The following GOLM1 variants were observed in gnomAD, a reference collection of about 807,000 sequenced individuals.
The protein encoded by GOLM1 is epididymis luminal protein 46.
Under a neutral mutation model 50.5 loss-of-function variants are expected in GOLM1, and 31 were observed. The ratio of observed to expected loss-of-function variants is 0.61; its 90% CI spans 0.46 to 0.83. GOLM1 has a LOEUF of 0.83. Among genes scored for constraint, GOLM1 ranks in the 40% least tolerant of loss-of-function variants. The pLI, the probability that GOLM1 is intolerant of heterozygous loss-of-function variation, is 0.00. For synonymous variants in GOLM1, 178 were observed against 192.8 expected, an observed-to-expected ratio of 0.92 and a Z score of 0.64; for missense variants, 491 against 501.3, an observed-to-expected ratio of 0.98 and a Z score of 0.20.
At chr9:86,031,714 G>A (rs894739645) in intron 9 of GOLM1, among the ~76,000 whole-genome samples, 4 of 151,356 alleles carry the variant, frequency 2.6e-5, no homozygotes. Flanking sequence ...CACCATCCTC[G>A]GCCTCCCAAA....
intron 8 of GOLM1, chr9:86,034,941 A>G (rs1833087392): frequency 1.2e-5 from 11 of 902,706 alleles, no homozygotes; most frequent in African/African-American, 3.6e-5. Context: ...TCACATATGC[A>G]TTAACCTTCA....
intron 3 of GOLM1, among the ~76,000 whole-genome samples, chr9:86,053,654 T>TCCACACACAGC (rs1564347550): frequency 5.4e-3 from 16 of 2,936 alleles, no homozygotes; most frequent in East Asian, 0.043. Context: ...CACACCATGC[T>TCCACACACAGC]ACACCACTCC....
chr9:86,073,661 C>T (rs1233445704), intron 3 of GOLM1, among the ~76,000 whole-genome samples: 2 of 152,210 alleles, frequency 1.3e-5, no homozygotes. Context: ...CTGCCCTCCG[C>T]TCCACTGAGG....
chr9:86,060,826 C>T (rs543560017), intron 3 of GOLM1, among the ~76,000 whole-genome samples: 17 of 124,802 alleles, frequency 1.4e-4, no homozygotes, highest in Admixed American at 3.2e-4. Flanking sequence ...TGCGGTGAGC[C>T]GAGATTGTGC....
At chr9:86,067,483 GTAGTT>G (rs1430319483) in intron 3 of GOLM1, among the ~76,000 whole-genome samples, 1 of 152,202 alleles carries the variant, frequency 6.6e-6, no homozygotes, top group African/African-American at 2.4e-5. Flanking sequence ...CACGAATGTG[GTAGTT>G]TAAAAACATT....
chr9:86,070,775 T>C (rs561942473), intron 3 of GOLM1, among the ~76,000 whole-genome samples: 2 of 151,934 alleles, frequency 1.3e-5, no homozygotes, highest in South Asian at 4.2e-4. Context: ...CTCAAACCCA[T>C]GAGATAAGCT....
intron 1 of GOLM1, chr9:86,080,203 A>G (rs914846141): frequency 6.6e-6 from 1 of 152,252 alleles, no homozygotes; most frequent in African/African-American, 2.4e-5. Context: ...TAGGAAAAAC[A>G]GTGCCTCTGT....
chr9:86,083,303 T>C (rs1178412769), intron 1 of GOLM1, among the ~76,000 whole-genome samples: 1 of 152,268 alleles, frequency 6.6e-6, no homozygotes, highest in Non-Finnish European at 1.5e-5. Flanking sequence ...TGTAATTAGC[T>C]GTTAAGCCAT....
intron 4 of GOLM1, among the ~76,000 whole-genome samples, chr9:86,048,025 C>G (rs1833610611): frequency 8.3e-6 from 1 of 121,090 alleles, no homozygotes; most frequent in Admixed American, 9.2e-5. Context: ...GCCATCCCTC[C>G]CCCCTCCCCC....
chr9:86,028,365 G>A (rs1832852509), intron 9 of GOLM1, among the ~76,000 whole-genome samples: 1 of 152,202 alleles, frequency 6.6e-6, no homozygotes, highest in Non-Finnish European at 1.5e-5. Context: ...GGACGCCAAG[G>A]GAAATTCGGC....
chr9:86,035,268 T>TA (rs919596549), intron 8 of GOLM1, 100 bp downstream of exon 8: 1 of 1,531,952 alleles, frequency 6.5e-7, no homozygotes, highest in African/African-American at 1.4e-5. Context: ...TGCTGTTTGG[T>TA]AAAATTCAGG....
chr9:86,076,272 T>A (rs1252348630), intron 3 of GOLM1, among the ~76,000 whole-genome samples: 2 of 151,444 alleles, frequency 1.3e-5, no homozygotes, highest in Non-Finnish European at 2.9e-5. Context: ...ATACAAAAAA[T>A]TAGCTGGGCG....
At chr9:86,046,434 C>T (rs1319730600) in intron 5 of GOLM1, 36 bp downstream of exon 5, 3 of 1,256,592 alleles carry the variant, frequency 2.4e-6, no homozygotes, top group Non-Finnish European at 3.5e-6. Flanking sequence ...GTGCCGTGCA[C>T]CCTGCACTGT....
Position 86,026,339 on chromosome 9 carries a change from G to A in GOLM1, c.*1478C>T. 1.0e-6 allele frequency: 1 copy of A among 984,976 alleles called. No individual in the cohort carries two copies. Among genetic ancestry groups the A allele is most frequent in the Non-Finnish European group, 1.2e-6 (1 of 829,614 alleles). 61.0% of individuals were successfully genotyped at this position (984,976 alleles called of 1,614,324 possible). A position where few individuals can be genotyped will look rare whatever the true frequency, so the allele number is the denominator to read the frequency against. On this transcript the variant is annotated 3_prime_UTR_variant, in exon 10 of 10. Transcript: ENST00000388712. ...TTATCTAAGTTGCCTTTTCTGGGTG[G>A]GAAAGTTTAACCTTAGTGACTAAGG...
chr9:86,099,022 G>C (rs1305876611), intron 1 of GOLM1, among the ~76,000 whole-genome samples: 3 of 152,214 alleles, frequency 2.0e-5, no homozygotes, highest in Non-Finnish European at 2.9e-5. Context: ...CTGCAGAACT[G>C]GAACTAGTGC....
At position 86,033,310 on chromosome 9, in the gene GOLM1, G is replaced by A. The variant is rs758300840; in HGVS notation, c.1101C>T (p.Ala367=). 6.2e-7 allele frequency: 1 copy of A among 1,610,128 alleles called. No homozygotes were observed. Among genetic ancestry groups the A allele is most frequent in the South Asian group, 1.1e-5 (1 of 90,984 alleles). The change falls in exon 9 of 10, where the codon GCC becomes GCT. Residue 367 remains alanine (A), a synonymous_variant. Transcript: ENST00000388712. ...CTATGTTTCTGTCATTCCCTGCCAGGGCTGCTTGCTTGTCTGTCTCAGATT... is the reference window on the plus strand; with the variant it reads ...CTATGTTTCTGTCATTCCCTGCCAGAGCTGCTTGCTTGTCTGTCTCAGATT... ...EAESETDKQA[A]LAGNDRNIDV...
intron 6 of GOLM1, 92 bp from the exon 7 acceptor site, chr9:86,036,599 C>T (rs1833154981): frequency 1.5e-6 from 2 of 1,302,556 alleles, no homozygotes; most frequent in African/African-American, 1.5e-5. Context: ...TCCCACCAAT[C>T]CCACCACCAT....
intron 6 of GOLM1, among the ~76,000 whole-genome samples, chr9:86,037,296 T>C (rs1447011694): frequency 6.6e-6 from 1 of 152,084 alleles, no homozygotes; most frequent in Non-Finnish European, 1.5e-5. Flanking sequence ...GCACCTGTGA[T>C]TCCAGCTACT....
chr9:86,055,970 G>T (rs1833971825), intron 3 of GOLM1, among the ~76,000 whole-genome samples: 1 of 110,860 alleles, frequency 9.0e-6, no homozygotes, highest in South Asian at 2.6e-4. Flanking sequence ...AAACCGAACA[G>T]TAAAAAAAAC....
Sources: allele counts gnomAD v4.1 joint callset (sites outside exome capture counted in the v4.1 genomes callset), GRCh38; gene constraint gnomAD v4.1.1; transcripts MANE v1.5; gene names NCBI Gene and HGNC (gene_info 2026-07-23, HGNC 2026-07-21).